The following MAPK10 variants were observed in gnomAD, a reference collection of about 807,000 sequenced individuals.
MAPK10 encodes mitogen-activated protein kinase 10, also known as JNK3 alpha protein kinase.
In MAPK10, 25 loss-of-function variants were observed where a neutral mutation model predicts 59.3. The observed-to-expected ratio is 0.42, with a 90% CI of 0.31 to 0.59. The LOEUF (loss-of-function observed/expected upper bound fraction) is 0.59. Ranked by LOEUF, MAPK10 falls within the 20% of genes least tolerant of loss-of-function variation. The probability of loss-of-function intolerance (pLI) is 0.15; values close to 1 mark genes in which losing one functional copy is unlikely to be tolerated. For synonymous variants in MAPK10, 190 were observed against 200.5 expected, an observed-to-expected ratio of 0.95 and a Z score of 0.44; for missense variants, 351 against 568.9, an observed-to-expected ratio of 0.62 and a Z score of 3.90.
chr4:86,041,031 G>A (rs971276689), intron 11 of MAPK10: 18 of 152,080 alleles, frequency 1.2e-4, no homozygotes, highest in African/African-American at 4.3e-4. Flanking sequence ...ATGTGAAAGT[G>A]TAAAACTCAC....
intron 1 of MAPK10, among the ~76,000 whole-genome samples, chr4:86,478,117 C>T (rs1300470197): frequency 1.3e-5 from 2 of 152,190 alleles, no homozygotes; most frequent in African/African-American, 2.4e-5. Context: ...TCCTTTCCTT[C>T]CTAGGCATGG....
At chr4:86,074,449 G>T (rs1284462166) in intron 9 of MAPK10, among the ~76,000 whole-genome samples, 1 of 150,438 alleles carries the variant, frequency 6.6e-6, no homozygotes, top group Non-Finnish European at 1.5e-5. Context: ...ATGTTAGCTG[G>T]TGATTTTGCT....
chr4:86,517,788 G>T (rs1252026729), intron 1 of MAPK10, among the ~76,000 whole-genome samples: 6 of 152,064 alleles, frequency 3.9e-5, no homozygotes, highest in Non-Finnish European at 8.8e-5. Flanking sequence ...TTCCATTTTG[G>T]TGTATTTTGA....
At chr4:86,447,596 T>TCTTCCTC (rs1342177801) in intron 1 of MAPK10, among the ~76,000 whole-genome samples, 3 of 152,112 alleles carry the variant, frequency 2.0e-5, no homozygotes, top group Non-Finnish European at 4.4e-5. Context: ...AAACAGTAAA[T>TCTTCCTC]CTTCCTCCTT....
intron 1 of MAPK10, among the ~76,000 whole-genome samples, chr4:86,557,387 G>A (rs974875520): frequency 6.6e-6 from 1 of 152,062 alleles, no homozygotes; most frequent in East Asian, 1.9e-4. Context: ...CCCATGTACT[G>A]ACATAAGGAA....
chr4:86,294,122 C>T lies in MAPK10; in HGVS notation c.-7+60408G>A, dbSNP rs115208100. Among the ~76,000 whole-genome samples, 1,042 of 152,248 alleles carry T rather than the reference C, an allele frequency of 6.8e-3. 7 individuals carry two copies. Among genetic ancestry groups the T allele is most frequent in the African/African-American group, 0.02 (843 of 41,544 alleles). ...CTTTCCTCATCAATGTGATTAGCTC[C>T]GAGGTGTGCTGTATAGGAGCCCCCA... On this transcript the variant is annotated intron_variant, in intron 2 of 13. Coordinates refer to ENST00000641462, the MANE Select transcript of MAPK10 (RefSeq NM_138982.4).
chr4:86,042,272 A>G (rs1374882868), intron 11 of MAPK10, among the ~76,000 whole-genome samples: 1 of 152,196 alleles, frequency 6.6e-6, no homozygotes, highest in African/African-American at 2.4e-5. Context: ...GAGTTGAACA[A>G]TGAGAACACA....
rs1032283571 is a variant in MAPK10 at position 86,352,701 on chromosome 4, G to A, written c.-7+1829C>T. Among the ~76,000 whole-genome samples, 6 of 152,084 alleles carry A rather than the reference G, an allele frequency of 3.9e-5. No individual in the cohort carries two copies. In the East Asian group the frequency reaches 1.2e-3, roughly 29 times the overall value. ...TTACTTGATTTGTTTTATGTTGTTTGATTTGTTTACATGATGTTTGATTTA... is the reference window on the plus strand; with the variant it reads ...TTACTTGATTTGTTTTATGTTGTTTAATTTGTTTACATGATGTTTGATTTA... On this transcript the variant is annotated intron_variant, in intron 2 of 13. Transcript: ENST00000641462.
intron 3 of MAPK10, among the ~76,000 whole-genome samples, chr4:86,180,287 A>G (rs977335780): frequency 6.6e-6 from 1 of 152,154 alleles, no homozygotes; most frequent in East Asian, 1.9e-4. Context: ...TTGATGTGTT[A>G]TTCTACCCCG....
intron 1 of MAPK10, among the ~76,000 whole-genome samples, chr4:86,375,844 C>T (rs1739722975): frequency 1.3e-5 from 2 of 151,918 alleles, no homozygotes; most frequent in African/African-American, 2.4e-5. Context: ...ATGTGTGAAC[C>T]TCATACAACT....
chr4:86,321,106 G>C (rs996257711), intron 2 of MAPK10, among the ~76,000 whole-genome samples: 2 of 152,086 alleles, frequency 1.3e-5, no homozygotes, highest in Admixed American at 6.5e-5. Flanking sequence ...AGAGGATGTG[G>C]AGAAATAGGA....
intron 2 of MAPK10, among the ~76,000 whole-genome samples, chr4:86,233,188 C>G (rs2091827763): frequency 6.6e-6 from 1 of 152,148 alleles, no homozygotes; most frequent in Admixed American, 6.5e-5. Context: ...CATAGCCACT[C>G]TCTTTGCTTA....
intron 1 of MAPK10, among the ~76,000 whole-genome samples, chr4:86,388,245 G>A (rs1408221809): frequency 1.3e-5 from 2 of 151,800 alleles, no homozygotes; most frequent in Non-Finnish European, 1.5e-5. Context: ...AAATATACAC[G>A]TGGCTTACAT....
intron 1 of MAPK10, among the ~76,000 whole-genome samples, chr4:86,573,588 A>G (rs1354102764): frequency 6.6e-6 from 1 of 152,182 alleles, no homozygotes; most frequent in Non-Finnish European, 1.5e-5. Flanking sequence ...TTGCATTTCC[A>G]AACAAAGTTT....
At chr4:86,360,762 G>T (rs1033207641), upstream of MAPK10, among the ~76,000 whole-genome samples, 9 of 151,486 alleles carry the variant, frequency 5.9e-5, no homozygotes, top group African/African-American at 2.2e-4. Flanking sequence ...TCAGTAATTT[G>T]CTCTGCCTTT....
At chr4:86,256,147 A>G (rs564601886) in intron 2 of MAPK10, among the ~76,000 whole-genome samples, 28 of 152,086 alleles carry the variant, frequency 1.8e-4, no homozygotes, top group Non-Finnish European at 2.5e-4. Context: ...CCCACAAGTA[A>G]TTTTTATTGT....
chr4:86,219,177 CAGAGAGAGAGAG>C (rs144539913), intron 2 of MAPK10, among the ~76,000 whole-genome samples: 1 of 150,470 alleles, frequency 6.6e-6, no homozygotes, highest in African/African-American at 2.4e-5. Context: ...TTGAGAGAGA[CAGAGAGAGAGAG>C]AGAGATTTCC....
chr4:86,340,784 A>C (rs1216895489), intron 2 of MAPK10, among the ~76,000 whole-genome samples: 1 of 152,208 alleles, frequency 6.6e-6, no homozygotes, highest in East Asian at 1.9e-4. Context: ...GTTCATCTAA[A>C]CAGTTTCTAA....
intron 4 of MAPK10, among the ~76,000 whole-genome samples, chr4:86,144,305 T>C (rs889415105): frequency 6.6e-6 from 1 of 152,136 alleles, no homozygotes; most frequent in Non-Finnish European, 1.5e-5. Context: ...AATCCAGAAA[T>C]ATTACTTTAT....
Sources: allele counts gnomAD v4.1 joint callset (sites outside exome capture counted in the v4.1 genomes callset), GRCh38; gene constraint gnomAD v4.1.1; transcripts MANE v1.5; gene names NCBI Gene and HGNC (gene_info 2026-07-23, HGNC 2026-07-21).